Variants in FBXL14 observed in about 807,000 individuals in gnomAD.
The protein encoded by FBXL14 is F-box and leucine rich repeat protein 14.
Under a neutral mutation model 24.5 loss-of-function variants are expected in FBXL14, and 11 were observed. The ratio of observed to expected loss-of-function variants is 0.45; its 90% confidence interval spans 0.28 to 0.74. The LOEUF is 0.74. Among genes scored for constraint, FBXL14 ranks in the 30% least tolerant of loss-of-function variants. The probability of loss-of-function intolerance (pLI) is 0.12; values close to 1 mark genes in which losing one functional copy is unlikely to be tolerated. For missense variants in FBXL14, 384 were observed against 545.6 expected (o/e 0.70, Z 2.95); for synonymous variants, 294 against 240.4 (o/e 1.22, Z -2.06).
rs181357217 is a variant in FBXL14 at position 1,573,861 on chromosome 12, T to C, written c.1195-7051A>G. On this transcript the variant is annotated intron_variant, in intron 1 of 1. Coordinates refer to ENST00000339235, the MANE Select transcript of FBXL14 (RefSeq NM_152441.3). ...CTCTACTACAAATAACACAATTAGC[T>C]GGGCGTGGTGGCGCATGCCTGTAAT... Among the ~76,000 whole-genome samples, 352 of 152,190 alleles carry C rather than the reference T, an allele frequency of 2.3e-3. 1 individual carries two copies. The highest frequency in any genetic ancestry group is 5.3e-3 in the Admixed American group (81 of 15,276).
intron 1 of FBXL14, among the ~76,000 whole-genome samples, chr12:1,582,506 T>C (rs2154438074): frequency 6.6e-6 from 1 of 152,282 alleles, no homozygotes; most frequent in South Asian, 2.1e-4. Context: ...GTGCCTTCCC[T>C]GAATCTGTAT....
intron 1 of FBXL14, among the ~76,000 whole-genome samples, chr12:1,589,045 T>G (rs1335694323): frequency 6.6e-6 from 1 of 151,234 alleles, no homozygotes. Flanking sequence ...AACCAAGGTA[T>G]GACGAGTAAC....
chr12:1,583,229 TA>T lies in FBXL14; in HGVS notation c.1194+9643del, dbSNP rs534909357. On this transcript the variant is annotated intron_variant, in intron 1 of 1. Coordinates refer to ENST00000339235, the MANE Select transcript of FBXL14 (RefSeq NM_152441.3). ...TACACTTCTGATTTTTCTTTTGTAA[TA>T]AAAAAAACTAGCTCTTTTTCTTGCT... 3.0e-4 allele frequency among the ~76,000 whole-genome samples: 45 copies of T among 152,158 alleles called. 1 individual carries two copies. The highest frequency in any genetic ancestry group is 8.4e-4 in the African/African-American group (35 of 41,536).
intron 1 of FBXL14, among the ~76,000 whole-genome samples, chr12:1,568,267 G>A (rs1041978045): frequency 1.3e-5 from 2 of 152,170 alleles, no homozygotes; most frequent in Admixed American, 6.5e-5. Context: ...AGATGTGAGG[G>A]TGGAGAGAGA....
At chr12:1,572,328 C>T (rs1475577910) in intron 1 of FBXL14, among the ~76,000 whole-genome samples, 1 of 152,244 alleles carries the variant, frequency 6.6e-6, no homozygotes, top group Non-Finnish European at 1.5e-5. Flanking sequence ...ATGAAACCAG[C>T]ACCACAGTCA....
chr12:1,566,898 G>T lies in FBXL14; in HGVS notation c.1195-88C>A, dbSNP rs951939553. ...CGAGGTCGCCTCCCCTAACCCCACC[G>T]CGGCTTTATCAGCGCCTAACTGACC... On this transcript the variant is annotated intron_variant, in intron 1 of 1. Coordinates refer to ENST00000339235, the MANE Select transcript of FBXL14 (RefSeq NM_152441.3). The T allele has an allele frequency of 2.2e-5, 16 of 722,770 alleles. 1 individual carries two copies. In the Admixed American group the frequency reaches 3.0e-4, roughly 14 times the overall value. The allele number at this position is 722,770 out of a possible 1,614,324, so 44.8% of individuals were successfully genotyped here. A position where few individuals can be genotyped will look rare whatever the true frequency, so the allele number is the denominator to read the frequency against.
chr12:1,590,865 C>T (rs1366948058), intron 1 of FBXL14, among the ~76,000 whole-genome samples: 4 of 152,258 alleles, frequency 2.6e-5, no homozygotes, highest in East Asian at 1.9e-4. Context: ...GCAAGGACAG[C>T]GCTCTTTTAA....
At chr12:1,589,235 CAAAAAA>C (rs34818174) in intron 1 of FBXL14, among the ~76,000 whole-genome samples, 1 of 126,128 alleles carries the variant, frequency 7.9e-6, no homozygotes, top group African/African-American at 3.1e-5. Context: ...AAAAAAAATA[CAAAAAA>C]AAAAAAAAAT....
At chr12:1,574,841 TGTGA>T (rs2094452749) in intron 1 of FBXL14, 1 of 152,362 alleles carries the variant, frequency 6.6e-6, no homozygotes, top group Non-Finnish European at 1.5e-5. Flanking sequence ...TTCAGTGTCA[TGTGA>T]GTATTACTGT....
intron 1 of FBXL14, among the ~76,000 whole-genome samples, chr12:1,583,301 C>T (rs1393371155): frequency 6.6e-6 from 1 of 151,470 alleles, no homozygotes; most frequent in Non-Finnish European, 1.5e-5. Context: ...TTCCCATTTT[C>T]TTCCTCCCAA....
chr12:1,587,221 G>A (rs1023855216), intron 1 of FBXL14: 1 of 122,342 alleles, frequency 8.2e-6, no homozygotes, highest in African/African-American at 3.2e-5. Context: ...TGGACAACAA[G>A]AGTGAAACTC....
chr12:1,573,875 C>G (rs1311318261), intron 1 of FBXL14, among the ~76,000 whole-genome samples: 1 of 152,142 alleles, frequency 6.6e-6, no homozygotes, highest in Admixed American at 6.6e-5. Flanking sequence ...CGTGGTGGCG[C>G]ATGCCTGTAA....
At position 1,572,093 on chromosome 12, in the gene FBXL14, C is replaced by T. The variant is rs182017364; in HGVS notation, c.1195-5283G>A. 2.7e-3 allele frequency among the ~76,000 whole-genome samples: 412 copies of T among 152,018 alleles called. 2 individuals are homozygous for T. Among genetic ancestry groups the T allele is most frequent in the Admixed American group, 4.4e-3 (68 of 15,288 alleles). ...TGAGAAACAAGAGAAGTGGCAGTCA[C>T]GTTTACGTGGGGGAGTCAGGAAAGG... On this transcript the variant is annotated intron_variant, in intron 1 of 1. Transcript: ENST00000339235.
At chr12:1,575,898 A>C (rs1189032849) in intron 1 of FBXL14, among the ~76,000 whole-genome samples, 1 of 152,126 alleles carries the variant, frequency 6.6e-6, no homozygotes, top group Admixed American at 6.5e-5. Flanking sequence ...CAGGATCTTC[A>C]GTAGAAAGGT....
At position 1,566,662 on chromosome 12, in the gene FBXL14, C is replaced by A; in HGVS notation, c.*86G>T. On this transcript the variant is annotated 3_prime_UTR_variant, in exon 2 of 2. Transcript: ENST00000339235. ...GCAGTGACAGGCAGGGAAACCTGAG[C>A]TGTCATCACCAGAGTGCCGGAGGCG... 1 of 761,296 alleles carries A rather than the reference C, an allele frequency of 1.3e-6. No homozygotes were observed. 47.2% of individuals were successfully genotyped at this position (761,296 alleles called of 1,614,324 possible).
Position 1,566,033 on chromosome 12 carries a change from C to T in FBXL14, c.*715G>A, listed in dbSNP as rs973953465. On this transcript the variant is annotated 3_prime_UTR_variant, in exon 2 of 2. Coordinates refer to ENST00000339235, the MANE Select transcript of FBXL14 (RefSeq NM_152441.3). ...GAAGACAGATATATTCTACATTGTT[C>T]CCATTAAAATGGAAACCCCGTGGGG... The T allele has an allele frequency of 1.3e-5, 2 of 152,596 alleles. No individual in the cohort carries two copies. The highest frequency in any genetic ancestry group is 2.9e-5 in the Non-Finnish European group (2 of 68,048). 9.5% of individuals were successfully genotyped at this position (152,596 alleles called of 1,614,324 possible). A position where few individuals can be genotyped will look rare whatever the true frequency, so the allele number is the denominator to read the frequency against.
upstream of FBXL14, among the ~76,000 whole-genome samples, chr12:1,594,635 G>A (rs1328595680): frequency 2.0e-5 from 3 of 148,814 alleles, no homozygotes; most frequent in Admixed American, 2.0e-4. Flanking sequence ...GGGGGACCAG[G>A]AGGCCAATCC....
chr12:1,577,835 A>G (rs1001520433), intron 1 of FBXL14, among the ~76,000 whole-genome samples: 8 of 152,196 alleles, frequency 5.3e-5, no homozygotes, highest in South Asian at 2.1e-4. Flanking sequence ...CGGAAGCAAT[A>G]CAACAAAGGC....
Position 1,593,876 on chromosome 12 carries a change from C to G in FBXL14, c.191G>C (p.Ser64Thr). 1 of 1,611,278 alleles carries G rather than the reference C, an allele frequency of 6.2e-7. No homozygotes were observed. The highest frequency in any genetic ancestry group is 8.5e-7 in the Non-Finnish European group (1 of 1,179,686). Residue 64 changes from serine (S) to threonine (T), a missense_variant, in exon 1 of 2, where the codon AGC (serine) becomes ACC (threonine). Ser to Thr is a moderately conservative substitution (Grantham distance 58, BLOSUM62 1). Coordinates refer to ENST00000339235, the MANE Select transcript of FBXL14 (RefSeq NM_152441.3). The surrounding 1 kb of genome is among the most constrained non-coding windows in gnomAD (Gnocchi z 7.4). ...LRRANPSLFP[S>T]LQARGIRRVQ... is the part of the protein sequence containing the mutation. The stretch of plus-strand genomic sequence containing the variant: ...CCGGCGGATGCCCCGGGCCTGCAGG[C>G]TGGGGAACAGCGACGGGTTGGCCCG...
Sources: allele counts gnomAD v4.1 joint callset (sites outside exome capture counted in the v4.1 genomes callset), GRCh38; gene constraint gnomAD v4.1.1; non-coding constraint Gnocchi (gnomAD v3.1); transcripts MANE v1.5; gene names NCBI Gene and HGNC (gene_info 2026-07-23, HGNC 2026-07-21).